Variants in TCF7L2 observed in about 807,000 individuals in gnomAD.
TCF7L2 encodes transcription factor 7-like 2.
A neutral mutation model predicts 77.9 loss-of-function variants in TCF7L2; 23 were observed. The observed-to-expected ratio is 0.30, with a 90% CI of 0.21 to 0.42. The LOEUF is 0.42. Ranked by LOEUF, TCF7L2 falls within the 10% of genes least tolerant of loss-of-function variation. TCF7L2 has a pLI of 1.00. For missense variants in TCF7L2, 654 were observed against 793.1 expected, an observed-to-expected ratio of 0.82 and a Z score of 2.11; for synonymous variants, 413 against 340.2, an observed-to-expected ratio of 1.21 and a Z score of -2.36.
In TCF7L2 at chr10:113,154,823, A is replaced by G. The variant is rs143396494; in HGVS notation, c.1269+2383A>G. Among the ~76,000 whole-genome samples, 200 of 152,268 alleles carry G rather than the reference A, an allele frequency of 1.3e-3. 6 individuals are homozygous for G. In the East Asian group the frequency reaches 0.034, roughly 26 times the overall value. ...GGGCTCTAGGAACTTTATCTCTTGT[A>G]AGAGGTACTTAGATTCCTATTACAA... is the stretch of plus-strand genomic sequence containing the variant. On this transcript the variant is annotated intron_variant, in intron 11 of 13. Transcript: ENST00000627217.
intron 3 of TCF7L2, among the ~76,000 whole-genome samples, chr10:112,953,435 G>C (rs1313087584): frequency 6.6e-6 from 1 of 152,104 alleles, no homozygotes; most frequent in Non-Finnish European, 1.5e-5. Context: ...AAACGGGACC[G>C]TTCGGCTCAG....
intron 5 of TCF7L2, among the ~76,000 whole-genome samples, chr10:113,046,627 A>C (rs1201871682): frequency 6.6e-6 from 1 of 152,224 alleles, no homozygotes; most frequent in Non-Finnish European, 1.5e-5. Context: ...ATTGTAATTC[A>C]AATCATCAGT....
At chr10:113,011,375 T>C (rs1479144227) in intron 4 of TCF7L2, among the ~76,000 whole-genome samples, 1 of 152,144 alleles carries the variant, frequency 6.6e-6, no homozygotes, top group East Asian at 1.9e-4. Context: ...GGTTGTGTGG[T>C]ATTCTGTCCT....
At chr10:113,155,441 T>C (rs1172903744) in intron 11 of TCF7L2, among the ~76,000 whole-genome samples, 1 of 152,188 alleles carries the variant, frequency 6.6e-6, no homozygotes, top group East Asian at 1.9e-4. Context: ...ATCTTCCTCT[T>C]CACTAAGTGT....
intron 4 of TCF7L2, among the ~76,000 whole-genome samples, chr10:113,033,169 T>C (rs2050542654): frequency 6.6e-6 from 1 of 151,896 alleles, no homozygotes; most frequent in African/African-American, 2.4e-5. Flanking sequence ...TTTTTTCTTT[T>C]CCCTCCCTCC....
At chr10:112,958,710 T>A (rs1564709656) in intron 3 of TCF7L2, among the ~76,000 whole-genome samples, 1 of 152,128 alleles carries the variant, frequency 6.6e-6, no homozygotes, top group South Asian at 2.1e-4. Context: ...GCTTAAAAAA[T>A]TGAGAGGATT....
intron 4 of TCF7L2, among the ~76,000 whole-genome samples, chr10:113,019,542 C>G (rs1374698799): frequency 1.3e-5 from 2 of 151,930 alleles, no homozygotes; most frequent in Non-Finnish European, 2.9e-5. Flanking sequence ...CTTGGTCACC[C>G]CTTTCATCTC....
chr10:113,108,480 C>T (rs1014254833), intron 5 of TCF7L2, among the ~76,000 whole-genome samples: 3 of 152,088 alleles, frequency 2.0e-5, no homozygotes, highest in African/African-American at 7.2e-5. Context: ...CCATTGTGGG[C>T]ATAGAGATGC....
Position 113,141,253 on chromosome 10 carries a change from A to C in TCF7L2, c.622A>C (p.Asn208His), listed in dbSNP as rs754612978. ...CCTCACGCCTCTTATCACGTACAGC[A>C]ATGAACACTTCACGCCGGGAAACCC... Residue 208 changes from asparagine (N) to histidine (H), a missense_variant, in exon 6 of 14, where the codon AAT (asparagine) becomes CAT (histidine). Transcript: ENST00000627217. 1.2e-6 allele frequency: 2 copies of C among 1,614,142 alleles called. No homozygotes were observed. The highest frequency in any genetic ancestry group is 1.7e-6 in the Non-Finnish European group (2 of 1,180,028).
At chr10:113,143,820 A>G (rs1217582729) in intron 6 of TCF7L2, 103 bp from the exon 7 acceptor site, 3 of 775,324 alleles carry the variant, frequency 3.9e-6, no homozygotes, top group East Asian at 2.7e-5. Flanking sequence ...CTAGGATTCC[A>G]GAAGAGATGC....
chr10:113,047,216 C>A (rs549526303), intron 5 of TCF7L2, among the ~76,000 whole-genome samples: 7 of 152,040 alleles, frequency 4.6e-5, no homozygotes, highest in Non-Finnish European at 1.0e-4. Flanking sequence ...TAGAAAAGAA[C>A]AAAGTGTTAA....
rs568881841 is a variant in TCF7L2, at chr10:113,041,688, TA to T, written c.552+1571del. Among the ~76,000 whole-genome samples, 443 of 151,772 alleles carry T rather than the reference TA, an allele frequency of 2.9e-3. 7 individuals are homozygous for T. Among genetic ancestry groups the T allele is most frequent in the Admixed American group, 9.2e-3 (141 of 15,252 alleles). ...GTTTCTCCAAAAGTGAATGCCCTGTTAAAAAAAAATTCTTAACAAATATACA... is the reference window on the plus strand; with the variant it reads ...GTTTCTCCAAAAGTGAATGCCCTGTTAAAAAAAATTCTTAACAAATATACA... On this transcript the variant is annotated intron_variant, in intron 5 of 13. Coordinates refer to ENST00000627217, the MANE Select transcript of TCF7L2 (RefSeq NM_001146274.2).
intron 5 of TCF7L2, among the ~76,000 whole-genome samples, chr10:113,061,568 A>G (rs982578704): frequency 6.6e-6 from 1 of 152,234 alleles, no homozygotes; most frequent in Non-Finnish European, 1.5e-5. Flanking sequence ...GAAAGGGTGC[A>G]GATCACACAA....
At chr10:112,977,925 A>G (rs2039736129) in intron 4 of TCF7L2, among the ~76,000 whole-genome samples, 7 of 152,194 alleles carry the variant, frequency 4.6e-5, no homozygotes, top group Admixed American at 4.6e-4. Context: ...ACGAAGCAGA[A>G]AGGAGAGGAG....
At position 113,027,782 on chromosome 10, in the gene TCF7L2, C is replaced by A. The variant is rs539849779; in HGVS notation, c.451-12243C>A. Reference sequence around the variant, plus strand: ...TTCCTCCCTCTCCTCTTCTCTCCCCCCCTCACCCTATTCAACCCAGCCCCA... The same window carrying A: ...TTCCTCCCTCTCCTCTTCTCTCCCCACCTCACCCTATTCAACCCAGCCCCA... On this transcript the variant is annotated intron_variant, in intron 4 of 13. Transcript: ENST00000627217. 2.6e-5 allele frequency among the ~76,000 whole-genome samples: 4 copies of A among 152,236 alleles called. No individual in the cohort carries two copies. In the East Asian group the frequency reaches 5.8e-4, roughly 22 times the overall value.
At chr10:113,004,408 C>A (rs1266212546) in intron 4 of TCF7L2, among the ~76,000 whole-genome samples, 3 of 152,280 alleles carry the variant, frequency 2.0e-5, no homozygotes, top group South Asian at 4.1e-4. Flanking sequence ...CAGTCCTTCC[C>A]CTGGAGAATG....
chr10:112,953,536 A>G (rs990916321), intron 3 of TCF7L2, among the ~76,000 whole-genome samples: 10 of 152,126 alleles, frequency 6.6e-5, no homozygotes, highest in Non-Finnish European at 1.3e-4. Flanking sequence ...CCCCCTTCCG[A>G]TGGAAACCTC....
intron 5 of TCF7L2, among the ~76,000 whole-genome samples, chr10:113,103,323 G>A (rs1383169098): frequency 6.6e-6 from 1 of 152,178 alleles, no homozygotes; most frequent in African/African-American, 2.4e-5. Flanking sequence ...ATTACCGGAA[G>A]TTGTGGCTTC....
At chr10:113,079,863 G>C (rs1442602036) in intron 5 of TCF7L2, among the ~76,000 whole-genome samples, 4 of 151,958 alleles carry the variant, frequency 2.6e-5, no homozygotes, top group African/African-American at 9.7e-5. Flanking sequence ...TCACCATGTT[G>C]GCCAGGCTGG....
Sources: allele counts gnomAD v4.1 joint callset (sites outside exome capture counted in the v4.1 genomes callset), GRCh38; gene constraint gnomAD v4.1.1; transcripts MANE v1.5; gene names NCBI Gene and HGNC (gene_info 2026-07-23, HGNC 2026-07-21).